The following SGCZ variants were observed in gnomAD, a reference collection of about 807,000 sequenced individuals.
SGCZ encodes the protein zeta-sarcoglycan.
SGCZ carries 40 observed loss-of-function variants against 41.3 expected under a neutral mutation model. The ratio of observed to expected loss-of-function variants is 0.97; its 90% CI spans 0.75 to 1.26. The LOEUF (loss-of-function observed/expected upper bound fraction) is 1.26. Ranked by LOEUF, SGCZ falls within the 50% of genes most tolerant of loss-of-function variation. SGCZ has a pLI of 0.00. For missense variants in SGCZ, 552 were observed against 369.8 expected, an observed-to-expected ratio of 1.49 and a Z score of -4.04; for synonymous variants, 206 against 137.5, an observed-to-expected ratio of 1.50 and a Z score of -3.49.
chr8:14,373,345 G>T (rs1303504078), intron 2 of SGCZ, among the ~76,000 whole-genome samples: 1 of 152,146 alleles, frequency 6.6e-6, no homozygotes, highest in Admixed American at 6.5e-5. Flanking sequence ...ATCCCTAAGT[G>T]GTTGAGACCA....
rs768585806 is a variant in SGCZ, at chr8:14,085,577, G to C, written c.*4866C>G. Among the ~76,000 whole-genome samples the C allele has an allele frequency of 1.3e-5, 2 of 151,734 alleles. No homozygotes were observed. Among genetic ancestry groups the C allele is most frequent in the Admixed American group, 1.3e-4 (2 of 15,186 alleles). On this transcript the variant is annotated 3_prime_UTR_variant, in exon 8 of 8. Coordinates refer to ENST00000382080, the MANE Select transcript of SGCZ (RefSeq NM_139167.4). ...GTTAACAATTAAAAAATAGCCCTCT[G>C]GTTCTACAAGTATTTCAAATTTTAT...
intron 1 of SGCZ, among the ~76,000 whole-genome samples, chr8:15,210,830 TACTC>T (rs1428587771): frequency 6.6e-6 from 1 of 152,094 alleles, no homozygotes; most frequent in Non-Finnish European, 1.5e-5. Flanking sequence ...GGCCGTTTCT[TACTC>T]AGTCACTCCC....
chr8:14,407,472 C>T (rs1799243415), intron 2 of SGCZ, among the ~76,000 whole-genome samples: 1 of 152,048 alleles, frequency 6.6e-6, no homozygotes, highest in South Asian at 2.1e-4. Context: ...GGACAAAGGT[C>T]TCCCTATAAG....
chr8:15,123,666 T>C (rs973400834), intron 1 of SGCZ, among the ~76,000 whole-genome samples: 1 of 152,200 alleles, frequency 6.6e-6, no homozygotes, highest in Non-Finnish European at 1.5e-5. Flanking sequence ...ATTTACTAAG[T>C]ACCTTCTAAG....
intron 2 of SGCZ, among the ~76,000 whole-genome samples, chr8:14,338,094 A>G (rs1802564308): frequency 6.6e-6 from 1 of 152,230 alleles, no homozygotes; most frequent in Non-Finnish European, 1.5e-5. Context: ...AGTTACTGCA[A>G]TAAAGAAGTC....
At chr8:14,448,976 G>A (rs1800513868) in intron 2 of SGCZ, among the ~76,000 whole-genome samples, 1 of 152,170 alleles carries the variant, frequency 6.6e-6, no homozygotes, top group Admixed American at 6.6e-5. Flanking sequence ...TTTTATTCAA[G>A]ATCAATTTTA....
At chr8:14,671,066 A>G (rs1808086156) in intron 1 of SGCZ, among the ~76,000 whole-genome samples, 1 of 152,150 alleles carries the variant, frequency 6.6e-6, no homozygotes, top group South Asian at 2.1e-4. Context: ...CTGCGCATTC[A>G]TTTTCCTCTT....
chr8:14,462,192 A>G (rs1270776788), intron 2 of SGCZ, among the ~76,000 whole-genome samples: 1 of 151,954 alleles, frequency 6.6e-6, no homozygotes, highest in Non-Finnish European at 1.5e-5. Context: ...TTAGGATTTG[A>G]CATTAAGGAA....
chr8:14,293,037 A>G (rs1003499982), intron 3 of SGCZ, among the ~76,000 whole-genome samples: 1 of 152,034 alleles, frequency 6.6e-6, no homozygotes, highest in Non-Finnish European at 1.5e-5. Flanking sequence ...CTGGGTTAAA[A>G]TAAATACGGT....
rs142940529 is a variant in SGCZ, at chr8:14,341,088, T to G, written c.235-16884A>C. 3.4e-3 allele frequency among the ~76,000 whole-genome samples: 520 copies of G among 152,322 alleles called. 5 individuals are homozygous for G. The highest frequency in any genetic ancestry group is 0.014 in the Middle Eastern group (4 of 294). On this transcript the variant is annotated intron_variant, in intron 2 of 7. Coordinates refer to ENST00000382080, the MANE Select transcript of SGCZ (RefSeq NM_139167.4). Reference sequence around the variant, plus strand: ...CTGTGTCTTCAAGAGTCATCTATGTTGTAGCATGTGTCAAAATTTCCTTCC... The same window carrying G: ...CTGTGTCTTCAAGAGTCATCTATGTGGTAGCATGTGTCAAAATTTCCTTCC...
chr8:15,064,526 A>G (rs549617933), intron 1 of SGCZ, among the ~76,000 whole-genome samples: 7 of 123,928 alleles, frequency 5.6e-5, no homozygotes, highest in African/African-American at 2.1e-4. Flanking sequence ...ACAAACCTCC[A>G]GGCCTCTCAA....
intron 1 of SGCZ, among the ~76,000 whole-genome samples, chr8:15,162,067 A>G (rs1315449967): frequency 2.0e-5 from 3 of 152,178 alleles, no homozygotes; most frequent in Non-Finnish European, 4.4e-5. Context: ...TTTACTGTAA[A>G]CAGAATCAGT....
intron 3 of SGCZ, among the ~76,000 whole-genome samples, chr8:14,284,245 C>T (rs7018350): frequency 2.0e-5 from 3 of 152,000 alleles, no homozygotes; most frequent in African/African-American, 7.2e-5. Context: ...TTGAAAAGTT[C>T]GCCAAGGGTG....
At chr8:14,511,564 G>C (rs1051752145) in intron 2 of SGCZ, among the ~76,000 whole-genome samples, 1 of 151,872 alleles carries the variant, frequency 6.6e-6, no homozygotes, top group Admixed American at 6.6e-5. Context: ...ACAAAATAGA[G>C]ATCTTATAAT....
chr8:14,385,881 A>T (rs574929398), intron 2 of SGCZ, among the ~76,000 whole-genome samples: 1 of 152,274 alleles, frequency 6.6e-6, no homozygotes, highest in Non-Finnish European at 1.5e-5. Context: ...ACAGATGTTC[A>T]ATCCTTTATG....
chr8:14,723,613 T>C (rs766334621), intron 1 of SGCZ, among the ~76,000 whole-genome samples: 9 of 152,180 alleles, frequency 5.9e-5, no homozygotes, highest in Middle Eastern at 3.4e-3. Context: ...TCTTCAAACA[T>C]GTAAAATGAT....
chr8:14,696,549 A>G, intron 1 of SGCZ, among the ~76,000 whole-genome samples: 1 of 152,072 alleles, frequency 6.6e-6, no homozygotes, highest in South Asian at 2.1e-4. Flanking sequence ...TTAGATTTAA[A>G]TTTATTTCTA....
chr8:14,105,801 C>A (rs1443347722), intron 6 of SGCZ, among the ~76,000 whole-genome samples: 2 of 151,906 alleles, frequency 1.3e-5, no homozygotes, highest in African/African-American at 4.8e-5. Flanking sequence ...AATATGTCAG[C>A]AAGATAATTA....
At chr8:14,203,591 C>A (rs1394261695) in intron 4 of SGCZ, among the ~76,000 whole-genome samples, 1 of 152,098 alleles carries the variant, frequency 6.6e-6, no homozygotes, top group South Asian at 2.1e-4. Flanking sequence ...TTTCTGTCAT[C>A]ACAAGGCTGA....
Sources: allele counts gnomAD v4.1 joint callset (sites outside exome capture counted in the v4.1 genomes callset), GRCh38; gene constraint gnomAD v4.1.1; transcripts MANE v1.5; gene names NCBI Gene and HGNC (gene_info 2026-07-23, HGNC 2026-07-21).